Variants in BFSP2 observed in about 807,000 individuals in gnomAD.
BFSP2 encodes phakinin.
Under a neutral mutation model 44.9 loss-of-function variants are expected in BFSP2, and 38 were observed. The observed-to-expected ratio is 0.85, with a 90% CI of 0.65 to 1.11. BFSP2 has a LOEUF of 1.11. Ranked by LOEUF, BFSP2 falls within the 50% of genes least tolerant of loss-of-function variation. The pLI, the probability that BFSP2 is intolerant of heterozygous loss-of-function variation, is 0.00. For synonymous variants in BFSP2, 197 were observed against 209.9 expected, an observed-to-expected ratio of 0.94 and a Z score of 0.53; for missense variants, 525 against 533.0, an observed-to-expected ratio of 0.99 and a Z score of 0.15.
At chr3:133,408,434 T>A (rs1171390329) in intron 1 of BFSP2, among the ~76,000 whole-genome samples, 2 of 152,204 alleles carry the variant, frequency 1.3e-5, no homozygotes, top group Non-Finnish European at 2.9e-5. Context: ...ACAACCCCTA[T>A]GGAGAAAAAT....
At chr3:133,450,910 T>G (rs544100575) in intron 4 of BFSP2, among the ~76,000 whole-genome samples, 2 of 152,048 alleles carry the variant, frequency 1.3e-5, no homozygotes, top group African/African-American at 2.4e-5. Context: ...AGGAGATCGA[T>G]ACCATCCTGG....
chr3:133,418,175 C>A (rs1370258814), intron 1 of BFSP2, among the ~76,000 whole-genome samples: 2 of 152,034 alleles, frequency 1.3e-5, no homozygotes, highest in Non-Finnish European at 2.9e-5. Flanking sequence ...TCTCTTCCCA[C>A]CTCCTCAGCT....
intron 3 of BFSP2, 175 bp downstream of exon 3, chr3:133,448,820 C>T: frequency 1.2e-6 from 1 of 810,304 alleles, no homozygotes; most frequent in Non-Finnish European, 1.9e-6. Context: ...GGTCAGGTTA[C>T]CCCAGCAGTC....
intron 1 of BFSP2, among the ~76,000 whole-genome samples, chr3:133,430,382 A>G (rs998301786): frequency 8.8e-4 from 134 of 151,486 alleles, no homozygotes; most frequent in African/African-American, 3.1e-3. Context: ...ACAGTGTAAA[A>G]GTGTTCCTAT....
chr3:133,412,086 A>G lies in BFSP2; in HGVS notation c.489+11514A>G, dbSNP rs532138219. The stretch of plus-strand genomic sequence containing the variant: ...AAGCATTCTTATAATTTGCCAGTAC[A>G]GGCTGAAATATTTGAAGAAGAAATA... On this transcript the variant is annotated intron_variant, in intron 1 of 6. Transcript: ENST00000302334. 2.0e-5 allele frequency among the ~76,000 whole-genome samples: 3 copies of G among 152,364 alleles called. No homozygotes were observed. In the South Asian group the frequency reaches 6.2e-4, roughly 32 times the overall value.
chr3:133,421,566 A>G (rs993905966), intron 1 of BFSP2, among the ~76,000 whole-genome samples: 1 of 152,226 alleles, frequency 6.6e-6, no homozygotes, highest in Non-Finnish European at 1.5e-5. Context: ...CAACTTGATG[A>G]CATCTGTAAA....
At chr3:133,459,146 C>T (rs1324203839) in intron 4 of BFSP2, among the ~76,000 whole-genome samples, 1 of 152,040 alleles carries the variant, frequency 6.6e-6, no homozygotes, top group Non-Finnish European at 1.5e-5. Flanking sequence ...TTGAGATCAG[C>T]CTGGGCAACA....
chr3:133,401,901 G>A (rs1190796166), intron 1 of BFSP2, among the ~76,000 whole-genome samples: 2 of 152,172 alleles, frequency 1.3e-5, no homozygotes, highest in Non-Finnish European at 2.9e-5. Flanking sequence ...ACTGCTGTCA[G>A]TGCCCACTGA....
chr3:133,416,959 C>G (rs1264718447), intron 1 of BFSP2, among the ~76,000 whole-genome samples: 2 of 142,904 alleles, frequency 1.4e-5, no homozygotes, highest in Non-Finnish European at 3.1e-5. Context: ...CCTCTCCCCT[C>G]TACTCACCCT....
intron 1 of BFSP2, among the ~76,000 whole-genome samples, chr3:133,440,541 C>G (rs2073835307): frequency 6.6e-6 from 1 of 152,020 alleles, no homozygotes; most frequent in African/African-American, 2.4e-5. Context: ...GGGGTTAAAC[C>G]TCTTTAGTGA....
chr3:133,446,014 G>A (rs751141582), intron 1 of BFSP2, among the ~76,000 whole-genome samples: 21 of 152,154 alleles, frequency 1.4e-4, no homozygotes, highest in Non-Finnish European at 2.9e-4. Flanking sequence ...GGCACCAGAG[G>A]TGAGAGACAG....
intron 1 of BFSP2, among the ~76,000 whole-genome samples, chr3:133,403,199 G>A (rs776349394): frequency 2.6e-4 from 39 of 152,072 alleles, no homozygotes; most frequent in Non-Finnish European, 4.4e-4. Flanking sequence ...GCCACTCTGC[G>A]GTCCTGGGCC....
At chr3:133,425,502 C>CA (rs1162031714) in intron 1 of BFSP2, among the ~76,000 whole-genome samples, 2 of 152,158 alleles carry the variant, frequency 1.3e-5, no homozygotes, top group Non-Finnish European at 2.9e-5. Context: ...ATGGAGGGTC[C>CA]CATGATTTTT....
In BFSP2 at chr3:133,448,480, T is replaced by C; in HGVS notation, c.573-9T>C. On this transcript the variant is annotated splice_polypyrimidine_tract_variant and intron_variant, in intron 2 of 6. Transcript: ENST00000302334. ...CTCAGTTATGCTAATTAAGTTCCTT[T>C]ATCTGCAGATATGAAAATGAGCAGC... 1 of 1,613,674 alleles carries C rather than the reference T, an allele frequency of 6.2e-7. No individual in the cohort carries two copies. Among genetic ancestry groups the C allele is most frequent in the Non-Finnish European group, 8.5e-7 (1 of 1,179,966 alleles).
At chr3:133,448,916 T>A (rs2073929908) in intron 3 of BFSP2, 7 of 473,566 alleles carry the variant, frequency 1.5e-5, no homozygotes, top group Non-Finnish European at 2.7e-5. Context: ...AGGGAACTTG[T>A]GTTAAATTAG....
intron 6 of BFSP2, among the ~76,000 whole-genome samples, chr3:133,474,701 CTTGA>C (rs2074198721): frequency 1.3e-5 from 2 of 152,196 alleles, no homozygotes; most frequent in African/African-American, 4.8e-5. Flanking sequence ...AGACCTGACT[CTTGA>C]TTATTTTTGT....
At chr3:133,444,404 G>T (rs1400107517) in intron 1 of BFSP2, among the ~76,000 whole-genome samples, 1 of 152,122 alleles carries the variant, frequency 6.6e-6, no homozygotes, top group African/African-American at 2.4e-5. Flanking sequence ...TTCATTTTAT[G>T]GGGGAGGAAA....
At chr3:133,473,792 C>G (rs2074189312) in intron 6 of BFSP2, among the ~76,000 whole-genome samples, 1 of 152,040 alleles carries the variant, frequency 6.6e-6, no homozygotes, top group Non-Finnish European at 1.5e-5. Context: ...CACAGGTCAA[C>G]AGGATCCCAA....
At chr3:133,469,457 G>A (rs917838102) in intron 5 of BFSP2, among the ~76,000 whole-genome samples, 1 of 152,210 alleles carries the variant, frequency 6.6e-6, no homozygotes, top group Non-Finnish European at 1.5e-5. Context: ...AAATAATGGT[G>A]CTTGAGACCT....
Sources: gnomAD v4.1 joint callset for allele counts (sites outside exome capture counted in the v4.1 genomes callset) on GRCh38, gnomAD v4.1.1 for gene constraint, MANE v1.5 for transcripts, NCBI Gene and HGNC (gene_info 2026-07-23, HGNC 2026-07-21) for gene names.